The following FKBP1A variants were observed in gnomAD, a reference collection of about 807,000 sequenced individuals.
FKBP1A encodes peptidyl-prolyl cis-trans isomerase FKBP1A.
Under a neutral mutation model 14.2 loss-of-function variants are expected in FKBP1A, and 5 were observed. The observed-to-expected ratio is 0.35, with a 90% CI of 0.18 to 0.74. The LOEUF (loss-of-function observed/expected upper bound fraction) is 0.74. Ranked by LOEUF, FKBP1A falls within the 30% of genes least tolerant of loss-of-function variation. FKBP1A has a pLI of 0.56. For synonymous variants in FKBP1A, 42 were observed against 49.1 expected (o/e 0.86, Z 0.60); for missense variants, 53 against 138.8 (o/e 0.38, Z 3.10).
At chr20:1,388,026 G>C (rs1246480397) in intron 2 of FKBP1A, among the ~76,000 whole-genome samples, 1 of 152,180 alleles carries the variant, frequency 6.6e-6, no homozygotes, top group African/African-American at 2.4e-5. Flanking sequence ...AGGCTGATGA[G>C]CAAGAGACCA....
chr20:1,372,178 C>T lies in FKBP1A; in HGVS notation c.261G>A (p.Gly87=), dbSNP rs568245494. Reference sequence around the variant, plus strand: ...CATGTGGTGGGATGATGCCTGGGTGCCCAGTGGCACCATAGGCATAATCTG... The same window carrying T: ...CATGTGGTGGGATGATGCCTGGGTGTCCAGTGGCACCATAGGCATAATCTG... The part of the protein sequence containing the change: ...ISPDYAYGAT[G]HPGIIPPHAT... Residue 87 remains glycine, a synonymous_variant, in exon 4 of 5, where the codon GGG becomes GGA. Coordinates refer to ENST00000400137, the MANE Select transcript of FKBP1A (RefSeq NM_000801.5). 1 of 1,613,526 alleles carries T rather than the reference C, an allele frequency of 6.2e-7. No homozygotes were observed. Among genetic ancestry groups the T allele is most frequent in the East Asian group, 2.2e-5 (1 of 44,878 alleles).
rs1200035744 is a variant in FKBP1A at position 1,375,684 on chromosome 20, G to A, written c.86-81C>T. The A allele has an allele frequency of 4.0e-6, 4 of 988,778 alleles. No homozygotes were observed. The African/African-American group carries it at 6.3e-5, about 16-fold the overall frequency. The allele number at this position is 988,778 out of a possible 1,614,324, so 61.3% of individuals were successfully genotyped here. A position where few individuals can be genotyped will look rare whatever the true frequency, so the allele number is the denominator to read the frequency against. ...GAAACCAGCAGCAGAGCACTCATCA[G>A]AGATGCCAGTGCTGAAGAGTCTGGC... On this transcript the variant is annotated intron_variant, in intron 2 of 4. Transcript: ENST00000400137.
intron 4 of FKBP1A, 121 bp downstream of exon 4, chr20:1,371,955 G>A: frequency 6.9e-7 from 1 of 1,457,992 alleles, no homozygotes; most frequent in Non-Finnish European, 9.1e-7. Flanking sequence ...AATACAGAAA[G>A]AATGCAGGGG....
intron 2 of FKBP1A, among the ~76,000 whole-genome samples, chr20:1,392,381 A>G (rs2089748442): frequency 6.6e-6 from 1 of 152,146 alleles, no homozygotes; most frequent in Admixed American, 6.5e-5. Flanking sequence ...CCTCGTCCTC[A>G]TCTCCAGTGA....
chr20:1,383,489 C>A (rs1036783284), intron 2 of FKBP1A, among the ~76,000 whole-genome samples: 2 of 151,874 alleles, frequency 1.3e-5, no homozygotes, highest in Non-Finnish European at 2.9e-5. Context: ...ACTTTCAACA[C>A]GCAGGTGAGT....
intron 4 of FKBP1A, 161 bp downstream of exon 4, chr20:1,371,915 G>A: frequency 7.2e-7 from 1 of 1,395,670 alleles, no homozygotes; most frequent in Non-Finnish European, 9.3e-7. Context: ...TACATTCAAA[G>A]CATACACTAA....
intron 4 of FKBP1A, 53 bp from the exon 5 acceptor site, chr20:1,370,125 G>T: frequency 6.5e-7 from 1 of 1,535,656 alleles, no homozygotes. Context: ...TTCTTTGTGT[G>T]CAGTGGCGAC....
rs992201376 is a variant in FKBP1A, at chr20:1,369,939, C to A, written c.*170G>T. 1.4e-6 allele frequency: 2 copies of A among 1,404,898 alleles called. No homozygotes were observed. The highest frequency in any genetic ancestry group is 1.9e-6 in the Non-Finnish European group (2 of 1,035,322). The allele number at this position is 1,404,898 out of a possible 1,614,324, so 87.0% of individuals were successfully genotyped here. A position where few individuals can be genotyped will look rare whatever the true frequency, so the allele number is the denominator to read the frequency against. On this transcript the variant is annotated 3_prime_UTR_variant, in exon 5 of 5. Transcript: ENST00000400137. Reference sequence around the variant, plus strand: ...AAAGGGGAAGAGGAAACAGAGGTGTCGGAAGCAAAGCTGAGTGACAGAACA... The same window carrying A: ...AAAGGGGAAGAGGAAACAGAGGTGTAGGAAGCAAAGCTGAGTGACAGAACA...
intron 4 of FKBP1A, chr20:1,370,660 G>A: frequency 1.0e-6 from 1 of 985,428 alleles, no homozygotes; most frequent in Non-Finnish European, 1.2e-6. Context: ...ACTCTTGCAA[G>A]AAGCTGAGAC....
intron 4 of FKBP1A, chr20:1,370,977 G>A: frequency 1.0e-6 from 1 of 985,434 alleles, no homozygotes; most frequent in Non-Finnish European, 1.2e-6. Flanking sequence ...TATTACCAAG[G>A]TGTGTGTGGT....
intron 2 of FKBP1A, 29 bp downstream of exon 2, chr20:1,392,805 G>GC: frequency 6.8e-7 from 1 of 1,475,498 alleles, no homozygotes; most frequent in Non-Finnish European, 9.0e-7. Context: ...TGCGGCCCGG[G>GC]CCCCCTCCCC....
intron 4 of FKBP1A, chr20:1,371,768 T>TTGGCC: frequency 1.9e-6 from 2 of 1,041,158 alleles, no homozygotes; most frequent in Non-Finnish European, 2.3e-6. Context: ...CACTACAAAT[T>TTGGCC]TGGCCTACAT....
At chr20:1,392,267 G>A (rs1220313621) in intron 2 of FKBP1A, among the ~76,000 whole-genome samples, 1 of 152,190 alleles carries the variant, frequency 6.6e-6, no homozygotes. Context: ...AGGCCAGGAA[G>A]GGCCAAAGCA....
At chr20:1,371,719 TTCATTAAGAG>T in intron 4 of FKBP1A, 1 of 1,000,860 alleles carries the variant, frequency 1.0e-6, no homozygotes, top group Non-Finnish European at 1.2e-6. Context: ...AACAAAGTCA[TTCATTAAGAG>T]TCTTATTTCC....
At chr20:1,392,906 T>C in intron 1 of FKBP1A, 25 bp from the exon 2 acceptor site, 2 of 1,430,556 alleles carry the variant, frequency 1.4e-6, no homozygotes, top group Non-Finnish European at 1.9e-6. Flanking sequence ...ACGGGCATGC[T>C]GAGCCGATGC....
intron 2 of FKBP1A, among the ~76,000 whole-genome samples, chr20:1,385,343 T>C (rs553234847): frequency 1.3e-5 from 2 of 152,222 alleles, no homozygotes; most frequent in East Asian, 1.9e-4. Context: ...TGAGCCGAGA[T>C]TGCACCAGGG....
chr20:1,378,764 A>G (rs929003829), intron 2 of FKBP1A: 1 of 152,244 alleles, frequency 6.6e-6, no homozygotes, highest in African/African-American at 2.4e-5. Flanking sequence ...CTGCAGCCAA[A>G]TGAACACAAC....
intron 3 of FKBP1A, among the ~76,000 whole-genome samples, chr20:1,372,659 A>T (rs759099952): frequency 1.3e-5 from 2 of 152,218 alleles, no homozygotes; most frequent in Non-Finnish European, 2.9e-5. Context: ...AAAAAAATAT[A>T]TACACAGGAA....
chr20:1,383,838 TAA>T (rs544119938), intron 2 of FKBP1A, among the ~76,000 whole-genome samples: 33 of 136,678 alleles, frequency 2.4e-4, no homozygotes, highest in Admixed American at 2.2e-4. Flanking sequence ...CTCTGTCTCT[TAA>T]AAAAAAAAAA....
Sources: allele counts gnomAD v4.1 joint callset (sites outside exome capture counted in the v4.1 genomes callset), GRCh38; gene constraint gnomAD v4.1.1; transcripts MANE v1.5; gene names NCBI Gene and HGNC (gene_info 2026-07-23, HGNC 2026-07-21).